Variants in MCTP1 observed in about 807,000 individuals in gnomAD.
The protein encoded by MCTP1 is multiple C2 and transmembrane domain-containing protein 1.
MCTP1 carries 69 observed loss-of-function variants against 120.6 expected under a neutral mutation model. That is an observed-to-expected ratio of 0.57 (90% CI 0.47 to 0.70). The LOEUF (loss-of-function observed/expected upper bound fraction) is 0.70, where lower values mean the gene tolerates loss of function less well. MCTP1 is among the 30% of genes least tolerant of loss of function. MCTP1 has a pLI of 0.00. For missense variants in MCTP1, 1,203 were observed against 1,248.8 expected (o/e 0.96, Z 0.55); for synonymous variants, 529 against 493.1 (o/e 1.07, Z -0.96).
At chr5:94,886,069 T>A (rs1459568585) in intron 12 of MCTP1, among the ~76,000 whole-genome samples, 2 of 152,174 alleles carry the variant, frequency 1.3e-5, no homozygotes, top group African/African-American at 4.8e-5. Context: ...CCCTCGACTA[T>A]CAACAGTTTA....
chr5:94,887,607 T>C (rs1801627714), intron 12 of MCTP1, among the ~76,000 whole-genome samples: 1 of 152,172 alleles, frequency 6.6e-6, no homozygotes, highest in African/African-American at 2.4e-5. Flanking sequence ...AATTGTTTTA[T>C]ACAAGGAGCC....
chr5:95,267,333 A>G (rs192475194), intron 1 of MCTP1, among the ~76,000 whole-genome samples: 1 of 152,190 alleles, frequency 6.6e-6, no homozygotes, highest in Admixed American at 6.5e-5. Flanking sequence ...CAGTTGTAAC[A>G]TCTGGATCAC....
At chr5:95,147,911 T>C (rs560881156) in intron 1 of MCTP1, among the ~76,000 whole-genome samples, 15 of 152,326 alleles carry the variant, frequency 9.8e-5, no homozygotes, top group African/African-American at 3.6e-4. Context: ...CAACTTCCCA[T>C]AGTGTTTGCT....
rs79509591 is a variant in MCTP1, at chr5:94,724,291, G to A, written c.2611-9405C>T. Among the ~76,000 whole-genome samples the A allele has an allele frequency of 2.1e-3, 320 of 152,182 alleles. 9 individuals carry two copies. The East Asian group carries it at 0.057, about 27-fold the overall frequency. ...GATGAGGTCTCGCTTTGTTGCCCAG[G>A]CTGGAGTGCAGTGGCTCCATCACAG... On this transcript the variant is annotated intron_variant, in intron 19 of 22. Transcript: ENST00000515393.
rs1158236588 is a variant in MCTP1, at chr5:95,284,212, G to T, written c.364C>A (p.Arg122Ser). 2 of 1,573,526 alleles carry T rather than the reference G, an allele frequency of 1.3e-6. No homozygotes were observed. The highest frequency in any genetic ancestry group is 1.7e-6 in the Non-Finnish European group (2 of 1,164,910). ...AGCAAATGCTCGCGGATCCGGCGGC[G>T]TAGCGTGGACCCCTGCTCGGCTCTG... ...AGRAEQGSTL[R>S]RRIREHLLPA... Residue 122 changes from arginine (R) to serine (S), a missense_variant, in exon 1 of 23, where the codon CGC (arginine) becomes AGC (serine). Physicochemically the swap from Arg to Ser is moderately radical, Grantham distance 110. This residue lies in a region of MCTP1 where 463 missense variants were observed against 377.8 expected (regional missense o/e 1.23). Coordinates refer to ENST00000515393, the MANE Select transcript of MCTP1 (RefSeq NM_024717.7). The surrounding 1 kb of genome is among the most constrained non-coding windows in gnomAD (Gnocchi z 5.2).
At chr5:95,241,855 A>T (rs1049228634) in intron 1 of MCTP1, among the ~76,000 whole-genome samples, 2 of 152,234 alleles carry the variant, frequency 1.3e-5, no homozygotes, top group African/African-American at 4.8e-5. Context: ...TTTAAAGCAC[A>T]ATTCCGCAAA....
intron 17 of MCTP1, among the ~76,000 whole-genome samples, chr5:94,823,954 C>A (rs760552581): frequency 6.6e-6 from 1 of 151,992 alleles, no homozygotes; most frequent in Admixed American, 6.6e-5. Context: ...GCAGAGACAA[C>A]GAGGTCTTCT....
chr5:95,140,156 C>CT (rs1299177643), intron 1 of MCTP1, among the ~76,000 whole-genome samples: 1 of 152,144 alleles, frequency 6.6e-6, no homozygotes, highest in Admixed American at 6.5e-5. Flanking sequence ...AGGCTTTTGC[C>CT]TCCAGGAAAG....
chr5:94,919,964 C>T (rs1811122161), intron 7 of MCTP1, among the ~76,000 whole-genome samples: 1 of 152,208 alleles, frequency 6.6e-6, no homozygotes. Context: ...TTACTGGCAC[C>T]ATAATCCTTA....
intron 1 of MCTP1, among the ~76,000 whole-genome samples, chr5:95,047,583 TAAA>T (rs1471994127): frequency 6.6e-6 from 1 of 152,164 alleles, no homozygotes. Flanking sequence ...TTTTAAATAA[TAAA>T]GAAGATGAAA....
chr5:95,039,263 A>G (rs1562059717), intron 1 of MCTP1, among the ~76,000 whole-genome samples: 2 of 152,214 alleles, frequency 1.3e-5, no homozygotes, highest in Non-Finnish European at 2.9e-5. Context: ...ACTTTAAGAC[A>G]CGTTCATAAA....
intron 3 of MCTP1, among the ~76,000 whole-genome samples, chr5:94,947,577 T>TATATATATAGAGAGAGAGAGAGAG: frequency 4.2e-5 from 2 of 47,396 alleles, no homozygotes; most frequent in African/African-American, 9.3e-5. Flanking sequence ...TATATATATA[T>TATATATATAGAGAGAGAGAGAGAG]AGAGAGAGAG....
Position 95,284,430 on chromosome 5 carries a change from C to T in MCTP1, c.146G>A (p.Arg49His). 6.4e-7 allele frequency: 1 copy of T among 1,552,188 alleles called. No individual in the cohort carries two copies. The highest frequency in any genetic ancestry group is 1.2e-5 in the South Asian group (1 of 86,438). Residue 49 changes from arginine to histidine, a missense_variant, in exon 1 of 23, where the codon CGC (arginine) becomes CAC (histidine). This residue lies in a region of MCTP1 where 463 missense variants were observed against 377.8 expected (regional missense o/e 1.23). Coordinates refer to ENST00000515393, the MANE Select transcript of MCTP1 (RefSeq NM_024717.7). This position sits in a 1 kb window ranked among gnomAD's most constrained non-coding sequence, Gnocchi z 5.2. The part of the protein sequence containing the change: ...GGGRAGGPER[R>H]TADTPSPSPP... ...GGAGGGCGACGGGGTGTCCGCAGTG[C>T]GGCGCTCTGGACCCCCAGCGCGCCC... is the stretch of plus-strand genomic sequence containing the variant.
In MCTP1 at chr5:95,283,983, C is replaced by T. The variant is rs960951918; in HGVS notation, c.593G>A (p.Ser198Asn). ...GCAGGCGGTGCCCGGCAGAGAGGAG[C>T]TCTTCTGGTGGCACAAGTGCGCCCC... ...GPGAHLCHQK[S>N]SSLPGTACLE... The change falls in exon 1 of 23, where the codon AGC (serine) becomes AAC (asparagine). Residue 198 changes from serine (S) to asparagine (N), a missense_variant. Ser to Asn is a conservative substitution (Grantham distance 46, BLOSUM62 1). Coordinates refer to ENST00000515393, the MANE Select transcript of MCTP1 (RefSeq NM_024717.7). 2 of 1,450,420 alleles carry T rather than the reference C, an allele frequency of 1.4e-6. No homozygotes were observed. Among genetic ancestry groups the T allele is most frequent in the Admixed American group, 2.8e-5 (1 of 35,182 alleles). The allele number at this position is 1,450,420 out of a possible 1,614,324, so 89.8% of individuals were successfully genotyped here. A position where few individuals can be genotyped will look rare whatever the true frequency, so the allele number is the denominator to read the frequency against.
At chr5:95,185,272 C>G (rs1026343130) in intron 1 of MCTP1, among the ~76,000 whole-genome samples, 3 of 152,148 alleles carry the variant, frequency 2.0e-5, no homozygotes, top group African/African-American at 7.2e-5. Context: ...ATTCTATGAA[C>G]TTAGATGCAG....
chr5:94,826,451 C>A, intron 17 of MCTP1: 1 of 680,808 alleles, frequency 1.5e-6, no homozygotes, highest in Non-Finnish European at 2.7e-6. Context: ...TCTTCAGGAA[C>A]ACAGAAGTGG....
rs902330290 is a variant in MCTP1 at position 94,950,749 on chromosome 5, C to T, written c.981+2470G>A. ...AGGGCAGATCACGAGATCAGGAGAT[C>T]GAGACCATCCCAGCTAACAAGGTGA... is the stretch of plus-strand genomic sequence containing the variant. On this transcript the variant is annotated intron_variant, in intron 3 of 22. Coordinates refer to ENST00000515393, the MANE Select transcript of MCTP1 (RefSeq NM_024717.7). Among the ~76,000 whole-genome samples, 12 of 151,828 alleles carry T rather than the reference C, an allele frequency of 7.9e-5. No individual in the cohort carries two copies. In the South Asian group the frequency reaches 2.1e-3, roughly 26 times the overall value.
intron 1 of MCTP1, among the ~76,000 whole-genome samples, chr5:95,025,828 C>G (rs1349192420): frequency 2.0e-5 from 3 of 152,160 alleles, no homozygotes; most frequent in Non-Finnish European, 4.4e-5. Flanking sequence ...TTTCAATATG[C>G]AGACTAGCTT....
chr5:94,717,632 C>T (rs1216453700), intron 19 of MCTP1, among the ~76,000 whole-genome samples: 10 of 152,118 alleles, frequency 6.6e-5, no homozygotes, highest in African/African-American at 2.4e-4. Flanking sequence ...CCTATTGTCT[C>T]AATCCTAAAG....
Sources: allele counts gnomAD v4.1 joint callset (sites outside exome capture counted in the v4.1 genomes callset), GRCh38; gene constraint gnomAD v4.1.1; regional missense constraint gnomAD v4.1.1; non-coding constraint Gnocchi (gnomAD v3.1); transcripts MANE v1.5; gene names NCBI Gene and HGNC (gene_info 2026-07-23, HGNC 2026-07-21).